The following SLC6A11 variants were observed in gnomAD, a reference collection of about 807,000 sequenced individuals.
SLC6A11 encodes the protein sodium- and chloride-dependent GABA transporter 3.
Under a neutral mutation model 74.8 loss-of-function variants are expected in SLC6A11, and 25 were observed. The ratio of observed to expected loss-of-function variants is 0.33; its 90% CI spans 0.24 to 0.47. The LOEUF (loss-of-function observed/expected upper bound fraction) is 0.47, where lower values mean the gene tolerates loss of function less well. Ranked by LOEUF, SLC6A11 falls within the 20% of genes least tolerant of loss-of-function variation. The pLI, the probability that SLC6A11 is intolerant of heterozygous loss-of-function variation, is 1.00. For missense variants in SLC6A11, 574 were observed against 837.0 expected, an observed-to-expected ratio of 0.69 and a Z score of 3.88; for synonymous variants, 330 against 330.2, an observed-to-expected ratio of 1.00 and a Z score of 0.01.
chr3:10,889,703 C>G (rs1050699620), intron 6 of SLC6A11, among the ~76,000 whole-genome samples: 6 of 152,190 alleles, frequency 3.9e-5, no homozygotes, highest in African/African-American at 1.4e-4. Context: ...TAGCAACACC[C>G]CTGGTGGTTT....
At position 10,935,539 on chromosome 3, in the gene SLC6A11, G is replaced by A. The variant is rs1274340122; in HGVS notation, c.1746+340G>A. On this transcript the variant is annotated intron_variant, in intron 13 of 13. Coordinates refer to ENST00000254488, the MANE Select transcript of SLC6A11 (RefSeq NM_014229.3). ...CTGGACCAGAGGGTAACAAGTGTTA[G>A]CGCTGACTGTTTTGTGAATCCCAAT... 1.3e-5 allele frequency: 3 copies of A among 227,370 alleles called. No individual in the cohort carries two copies. The East Asian group carries it at 3.3e-4, about 25-fold the overall frequency. The allele number at this position is 227,370 out of a possible 1,614,324, so 14.1% of individuals were successfully genotyped here.
intron 5 of SLC6A11, among the ~76,000 whole-genome samples, chr3:10,873,971 T>TACGCTAC (rs1559567234): frequency 6.4e-4 from 84 of 130,514 alleles, no homozygotes; most frequent in African/African-American, 2.8e-3. Flanking sequence ...CGCTATGCTA[T>TACGCTAC]GCTACGCTAC....
chr3:10,924,738 A>G (rs1463130822), intron 8 of SLC6A11, among the ~76,000 whole-genome samples: 1 of 152,222 alleles, frequency 6.6e-6, no homozygotes, highest in Non-Finnish European at 1.5e-5. Context: ...ACATGTGAAG[A>G]TACTCGATGT....
chr3:10,851,744 G>A (rs755222883), intron 5 of SLC6A11, among the ~76,000 whole-genome samples: 6 of 152,272 alleles, frequency 3.9e-5, no homozygotes, highest in Non-Finnish European at 8.8e-5. Flanking sequence ...GGGGGATGCT[G>A]TCAGAGCCCA....
At chr3:10,929,386 G>A (rs376035798) in intron 10 of SLC6A11, 47 bp downstream of exon 10, 103 of 1,600,400 alleles carry the variant, frequency 6.4e-5, no homozygotes, top group African/African-American at 4.1e-4. Context: ...GGTGTGTGAC[G>A]TCAACTCCCA....
chr3:10,917,854 C>G (rs1313572203), intron 7 of SLC6A11, among the ~76,000 whole-genome samples: 2 of 152,126 alleles, frequency 1.3e-5, no homozygotes, highest in African/African-American at 4.8e-5. Context: ...ACCATAAAGC[C>G]TCTCCCCCGG....
At chr3:10,928,909 A>G (rs1695645677) in intron 9 of SLC6A11, among the ~76,000 whole-genome samples, 4 of 152,302 alleles carry the variant, frequency 2.6e-5, no homozygotes, top group Non-Finnish European at 2.9e-5. Context: ...AAGGAGGAGT[A>G]CTAGATTTGG....
rs192655759 is a variant in SLC6A11, at chr3:10,895,293, C to T, written c.892-16797C>T. Among the ~76,000 whole-genome samples, 530 of 152,210 alleles carry T rather than the reference C, an allele frequency of 3.5e-3. 3 individuals are homozygous for T. Among genetic ancestry groups the T allele is most frequent in the Middle Eastern group, 6.8e-3 (2 of 294 alleles). ...GGTAATGCTACTTTTTGTAGAAATA[C>T]GAAGACAACATGAAGTTAGGACTAA... On this transcript the variant is annotated intron_variant, in intron 6 of 13. Transcript: ENST00000254488.
chr3:10,876,742 C>CCA (rs1694912261), intron 6 of SLC6A11, among the ~76,000 whole-genome samples: 1 of 46,924 alleles, frequency 2.1e-5, no homozygotes, highest in Non-Finnish European at 5.1e-5. Flanking sequence ...GCCCCGCCCC[C>CCA]CCCCCCCCGC....
intron 13 of SLC6A11, among the ~76,000 whole-genome samples, chr3:10,936,800 C>T (rs1695764771): frequency 6.6e-6 from 1 of 152,196 alleles, no homozygotes; most frequent in African/African-American, 2.4e-5. Context: ...TCAGAAATGC[C>T]TGGTGTTGCC....
intron 6 of SLC6A11, among the ~76,000 whole-genome samples, chr3:10,881,898 G>C (rs1694985931): frequency 6.6e-6 from 1 of 152,176 alleles, no homozygotes; most frequent in Non-Finnish European, 1.5e-5. Flanking sequence ...AAGGGGCTCA[G>C]ACATGCCTAT....
At chr3:10,819,984 A>ACCCCAGTTTCAGCAAG in intron 3 of SLC6A11, 132 bp downstream of exon 3, 1 of 932,404 alleles carries the variant, frequency 1.1e-6, no homozygotes, top group Non-Finnish European at 1.6e-6. Context: ...AGTCTTGCTG[A>ACCCCAGTTTCAGCAAG]AACTGGGGTC....
intron 5 of SLC6A11, among the ~76,000 whole-genome samples, chr3:10,852,166 AG>A (rs1326220046): frequency 4.6e-5 from 7 of 152,216 alleles, no homozygotes; most frequent in Admixed American, 4.6e-4. Flanking sequence ...GCAAGAGGAG[AG>A]CTGCCTTGGT....
At chr3:10,875,667 T>A (rs1694898757) in intron 6 of SLC6A11, among the ~76,000 whole-genome samples, 1 of 152,220 alleles carries the variant, frequency 6.6e-6, no homozygotes, top group Non-Finnish European at 1.5e-5. Flanking sequence ...TTGGAGAAAC[T>A]GGCTAAGCTA....
At chr3:10,834,431 G>A (rs1694340415) in intron 4 of SLC6A11, among the ~76,000 whole-genome samples, 1 of 151,790 alleles carries the variant, frequency 6.6e-6, no homozygotes, top group African/African-American at 2.4e-5. Flanking sequence ...ATGAGAAATG[G>A]CTTCACAGAA....
At chr3:10,836,912 G>A (rs540690992) in intron 4 of SLC6A11, among the ~76,000 whole-genome samples, 62 of 152,324 alleles carry the variant, frequency 4.1e-4, no homozygotes, top group African/African-American at 1.4e-3. Context: ...ATGACCTGTG[G>A]TTGCTTTCAC....
chr3:10,870,569 T>A (rs1434761056), intron 5 of SLC6A11, among the ~76,000 whole-genome samples: 1 of 152,210 alleles, frequency 6.6e-6, no homozygotes, highest in Non-Finnish European at 1.5e-5. Context: ...TCTGTATGGT[T>A]TTGACAATGC....
In SLC6A11 at chr3:10,850,677, A is replaced by G. The variant is rs537852868; in HGVS notation, c.756+6331A>G. Among the ~76,000 whole-genome samples, 5 of 152,274 alleles carry G rather than the reference A, an allele frequency of 3.3e-5. No individual in the cohort carries two copies. The South Asian group carries it at 1.0e-3, about 32-fold the overall frequency. ...CGGCAAAGTAAAGGCAGTGATTGAG[A>G]AAGATGGTGGCATGAGATCAGAAGG... On this transcript the variant is annotated intron_variant, in intron 5 of 13. Transcript: ENST00000254488.
chr3:10,838,676 G>A (rs1422677520), intron 4 of SLC6A11, among the ~76,000 whole-genome samples: 1 of 152,192 alleles, frequency 6.6e-6, no homozygotes, highest in African/African-American at 2.4e-5. Flanking sequence ...TTGAACCCAG[G>A]AGGTGGAGGT....
Sources: allele counts gnomAD v4.1 joint callset (sites outside exome capture counted in the v4.1 genomes callset), GRCh38; gene constraint gnomAD v4.1.1; transcripts MANE v1.5; gene names NCBI Gene and HGNC (gene_info 2026-07-23, HGNC 2026-07-21).